The following ANKS1B variants were observed in gnomAD, a reference collection of about 807,000 sequenced individuals.
ANKS1B encodes the protein ankyrin repeat and sterile alpha motif domain containing 1B.
In ANKS1B, 36 loss-of-function variants were observed where a neutral mutation model predicts 148.3. That is an observed-to-expected ratio of 0.24 (90% CI 0.19 to 0.32). ANKS1B has a LOEUF of 0.32. Among genes scored for constraint, ANKS1B ranks in the 10% least tolerant of loss-of-function variants. ANKS1B has a pLI of 1.00. For missense variants in ANKS1B, 1,157 were observed against 1,542.6 expected, an observed-to-expected ratio of 0.75 and a Z score of 4.19; for synonymous variants, 542 against 560.8, an observed-to-expected ratio of 0.97 and a Z score of 0.47.
At position 99,445,726 on chromosome 12, in the gene ANKS1B, CCTTTT is replaced by C. The variant is rs374360902; in HGVS notation, c.1439-1922_1439-1918del. Among the ~76,000 whole-genome samples the C allele has an allele frequency of 2.2e-3, 328 of 151,682 alleles. 1 individual carries two copies. The highest frequency in any genetic ancestry group is 7.6e-3 in the African/African-American group (314 of 41,378). ...CGAGAAGTATACTGTTGGGTTTTTT[CCTTTT>C]CTTTTTTGAGACAGGGTCTCACTAC... On this transcript the variant is annotated intron_variant, in intron 10 of 26. Coordinates refer to ENST00000683438, the MANE Select transcript of ANKS1B (RefSeq NM_001352186.2).
chr12:99,737,582 T>C (rs2059727997), intron 8 of ANKS1B, among the ~76,000 whole-genome samples: 1 of 152,102 alleles, frequency 6.6e-6, no homozygotes, highest in Admixed American at 6.5e-5. Context: ...ATCCATTGCC[T>C]AGAGGATAAG....
intron 12 of ANKS1B, among the ~76,000 whole-genome samples, chr12:99,354,903 G>A (rs760078054): frequency 7.9e-5 from 12 of 151,858 alleles, no homozygotes; most frequent in Admixed American, 1.3e-4. Flanking sequence ...CATATCCAAC[G>A]GTGTTTGTAC....
intron 14 of ANKS1B, among the ~76,000 whole-genome samples, chr12:99,223,590 G>A (rs775191349): frequency 1.7e-4 from 26 of 152,158 alleles, no homozygotes; most frequent in Non-Finnish European, 2.9e-4. Context: ...CTGCTGATGT[G>A]ACAGGATGCA....
chr12:99,768,439 T>C (rs1055281180), intron 8 of ANKS1B, among the ~76,000 whole-genome samples: 6 of 152,134 alleles, frequency 3.9e-5, no homozygotes, highest in African/African-American at 1.4e-4. Flanking sequence ...GTTTATATGT[T>C]GAAATCCTAA....
chr12:99,825,281 C>T (rs761049098), intron 2 of ANKS1B, 28 bp downstream of exon 2: 23 of 1,579,914 alleles, frequency 1.5e-5, no homozygotes, highest in South Asian at 4.5e-5. Context: ...TAAATACACA[C>T]GATTCCGTCC....
chr12:98,781,334 A>T (rs2098733655), intron 23 of ANKS1B, 131 bp from the exon 24 acceptor site: 2 of 690,884 alleles, frequency 2.9e-6, no homozygotes, highest in South Asian at 3.0e-5. Flanking sequence ...ACACACACAC[A>T]CACACACATC....
At chr12:99,616,234 C>G (rs2097958693) in intron 9 of ANKS1B, among the ~76,000 whole-genome samples, 1 of 152,090 alleles carries the variant, frequency 6.6e-6, no homozygotes, top group Non-Finnish European at 1.5e-5. Context: ...TTTATAGAGT[C>G]AATGCTATTC....
chr12:99,784,170 T>G (rs895266378), intron 4 of ANKS1B, among the ~76,000 whole-genome samples: 3 of 38,622 alleles, frequency 7.8e-5, no homozygotes, highest in African/African-American at 2.3e-4. Flanking sequence ...TGAACTTTCT[T>G]TTTTTTTTTT....
At chr12:99,808,277 G>A (rs1000216336) in intron 3 of ANKS1B, among the ~76,000 whole-genome samples, 1 of 152,038 alleles carries the variant, frequency 6.6e-6, no homozygotes, top group Non-Finnish European at 1.5e-5. Context: ...AGTTTGCCCT[G>A]GATGATAGAA....
intron 9 of ANKS1B, among the ~76,000 whole-genome samples, chr12:99,575,793 A>C (rs527582336): frequency 3.7e-4 from 56 of 152,212 alleles, no homozygotes; most frequent in African/African-American, 1.3e-3. Flanking sequence ...TTTCCACCAA[A>C]AAAATACACT....
At chr12:99,894,353 A>G (rs2093292691) in intron 1 of ANKS1B, among the ~76,000 whole-genome samples, 1 of 144,000 alleles carries the variant, frequency 6.9e-6, no homozygotes, top group South Asian at 2.2e-4. Flanking sequence ...GAAAAGAAAA[A>G]AGAAAATTAG....
intron 17 of ANKS1B, among the ~76,000 whole-genome samples, chr12:98,974,635 T>G (rs187071146): frequency 6.6e-6 from 1 of 150,644 alleles, no homozygotes; most frequent in Admixed American, 6.6e-5. Context: ...AAACAACCCA[T>G]GGAGTAAATT....
chr12:99,263,800 T>C (rs532712036), intron 12 of ANKS1B, among the ~76,000 whole-genome samples: 7 of 152,318 alleles, frequency 4.6e-5, no homozygotes, highest in Admixed American at 4.6e-4. Context: ...CCTTCTGTTA[T>C]GGTGATTAAG....
At chr12:99,220,849 ATACC>A (rs1259324512) in intron 14 of ANKS1B, among the ~76,000 whole-genome samples, 2 of 152,310 alleles carry the variant, frequency 1.3e-5, no homozygotes, top group African/African-American at 4.8e-5. Context: ...AGTTTGATTC[ATACC>A]TCATTCCTTA....
At chr12:99,591,033 TA>T (rs1376995063) in intron 9 of ANKS1B, among the ~76,000 whole-genome samples, 2 of 135,196 alleles carry the variant, frequency 1.5e-5, no homozygotes, top group African/African-American at 2.5e-5. Context: ...GGGTAAAGAA[TA>T]TTTTTTTTTT....
At chr12:99,320,700 T>C (rs2085090178) in intron 12 of ANKS1B, among the ~76,000 whole-genome samples, 1 of 152,214 alleles carries the variant, frequency 6.6e-6, no homozygotes, top group Non-Finnish European at 1.5e-5. Flanking sequence ...TTCTCTCAAC[T>C]CATCAAAGTC....
intron 1 of ANKS1B, among the ~76,000 whole-genome samples, chr12:99,894,181 G>A (rs1363641487): frequency 2.6e-5 from 4 of 151,080 alleles, no homozygotes; most frequent in Non-Finnish European, 5.9e-5. Context: ...CAATTTGGGA[G>A]GTCAAGGTGG....
intron 17 of ANKS1B, among the ~76,000 whole-genome samples, chr12:98,907,005 CTGTGTGTGTGTG>C (rs59857138): frequency 0.012 from 1,715 of 145,726 alleles, 11 homozygotes; most frequent in Middle Eastern, 0.028. Context: ...CATAGTTACT[CTGTGTGTGTGTG>C]TGTGTGTGTG....
chr12:99,544,245 A>G (rs1166037385), intron 9 of ANKS1B, among the ~76,000 whole-genome samples: 3 of 152,298 alleles, frequency 2.0e-5, no homozygotes, highest in East Asian at 1.9e-4. Context: ...ATTGAAATCA[A>G]TAAGTTATAC....
Sources: gnomAD v4.1 joint callset for allele counts (sites outside exome capture counted in the v4.1 genomes callset) on GRCh38, gnomAD v4.1.1 for gene constraint, MANE v1.5 for transcripts, NCBI Gene and HGNC (gene_info 2026-07-23, HGNC 2026-07-21) for gene names.